The following PCDHA3 variants were observed in gnomAD, a reference collection of about 807,000 sequenced individuals.
PCDHA3 encodes protocadherin alpha 3.
In PCDHA3, 41 loss-of-function variants were observed where a neutral mutation model predicts 62.2. The ratio of observed to expected loss-of-function variants is 0.66; its 90% confidence interval spans 0.51 to 0.86. The LOEUF (loss-of-function observed/expected upper bound fraction) is 0.86, where lower values mean the gene tolerates loss of function less well. PCDHA3 is among the 40% of genes least tolerant of loss of function. The pLI, the probability that PCDHA3 is intolerant of heterozygous loss-of-function variation, is 0.00. For missense variants in PCDHA3, 1,304 were observed against 1,241.2 expected (o/e 1.05, Z -0.76); for synonymous variants, 640 against 555.4 (o/e 1.15, Z -2.14).
rs2150126846 is a variant in PCDHA3, at chr5:140,823,554, G to A, written c.2394+19963G>A. The stretch of plus-strand genomic sequence containing the variant: ...GTGCGGGCCACGTGGTGGCGAAGGT[G>A]CGCGCAGTGGACCCTGATTCGGGCT... On this transcript the variant is annotated intron_variant, in intron 1 of 3. Coordinates refer to ENST00000522353, the MANE Select transcript of PCDHA3 (RefSeq NM_018906.3). 17,400 of 1,613,832 alleles carry A rather than the reference G, an allele frequency of 0.011. 1,609 individuals are homozygous for A. The African/African-American group carries it at 0.2, about 19-fold the overall frequency.
At chr5:140,991,629 T>C (rs1466263798) in intron 3 of PCDHA3, among the ~76,000 whole-genome samples, 5 of 152,208 alleles carry the variant, frequency 3.3e-5, no homozygotes, top group African/African-American at 1.2e-4. Context: ...ATATTTGTAA[T>C]AACAATCTGT....
chr5:140,928,643 T>C (rs2085399261), intron 1 of PCDHA3: 7 of 1,614,222 alleles, frequency 4.3e-6, no homozygotes, highest in Non-Finnish European at 5.9e-6. Context: ...ACAAAAGTGG[T>C]AGCAGAGGAT....
rs145175505 is a variant in PCDHA3, at chr5:140,843,176, C to T, written c.2394+39585C>T. On this transcript the variant is annotated intron_variant, in intron 1 of 3. Coordinates refer to ENST00000522353, the MANE Select transcript of PCDHA3 (RefSeq NM_018906.3). ...GCTGCAGCCAGCTGCAAGCAGCCCT[C>T]GCATCCCGTTCCGCGTGGGGCTGTA... 1.2e-5 allele frequency: 19 copies of T among 1,595,968 alleles called. 3 individuals carry two copies. Among genetic ancestry groups the T allele is most frequent in the Non-Finnish European group, 1.5e-5 (18 of 1,165,618 alleles).
intron 1 of PCDHA3, chr5:140,850,814 C>T: frequency 6.3e-7 from 1 of 1,598,286 alleles, no homozygotes; most frequent in South Asian, 1.1e-5. Context: ...TGGCCTTCAG[C>T]CCGGGCCTTT....
rs782055202 is a variant in PCDHA3 at position 140,802,781 on chromosome 5, A to G, written c.1584A>G (p.Leu528=). The G allele has an allele frequency of 1.5e-5, 25 of 1,613,106 alleles. No homozygotes were observed. Among genetic ancestry groups the G allele is most frequent in the Non-Finnish European group, 1.9e-5 (22 of 1,179,894 alleles). ...TGCAGCCGCTGGACCACGAGGAGCTAGAGCTGCTGCAGTTCCAGGTGAGTG... is the reference window on the plus strand; with the variant it reads ...TGCAGCCGCTGGACCACGAGGAGCTGGAGCTGCTGCAGTTCCAGGTGAGTG... The part of the protein sequence containing the change: ...YALQPLDHEE[L]ELLQFQVSAR... Residue 528 remains leucine, a synonymous_variant, in exon 1 of 4, where the codon CTA becomes CTG. Coordinates refer to ENST00000522353, the MANE Select transcript of PCDHA3 (RefSeq NM_018906.3).
At chr5:140,922,391 G>T (rs1354789717) in intron 1 of PCDHA3, among the ~76,000 whole-genome samples, 1 of 152,182 alleles carries the variant, frequency 6.6e-6, no homozygotes, top group Non-Finnish European at 1.5e-5. Context: ...AAGACTCCTT[G>T]TTTTGGATTA....
chr5:140,817,348 A>AG (rs1387838352), intron 1 of PCDHA3: 1 of 152,294 alleles, frequency 6.6e-6, no homozygotes, highest in Non-Finnish European at 1.5e-5. Flanking sequence ...CTTGGAGCCC[A>AG]GGACCCTCTT....
chr5:140,883,970 C>A (rs1554180846), intron 1 of PCDHA3: 1 of 1,612,990 alleles, frequency 6.2e-7, no homozygotes, highest in South Asian at 1.1e-5. Context: ...GCTGCTGACG[C>A]CCGGGGCTGG....
At chr5:140,804,977 T>A in intron 1 of PCDHA3, 1 of 1,501,798 alleles carries the variant, frequency 6.7e-7, no homozygotes, top group South Asian at 1.3e-5. Context: ...AGTGTGTCCA[T>A]CTCAGGTCAG....
chr5:140,996,478 A>C (rs1241472780), intron 3 of PCDHA3, among the ~76,000 whole-genome samples: 1 of 152,214 alleles, frequency 6.6e-6, no homozygotes, highest in East Asian at 1.9e-4. Flanking sequence ...AGTAGTGCTC[A>C]GGCCTGGGCA....
intron 2 of PCDHA3, among the ~76,000 whole-genome samples, chr5:140,980,093 G>A (rs1223807762): frequency 2.0e-5 from 3 of 152,166 alleles, no homozygotes; most frequent in South Asian, 2.1e-4. Context: ...AGTTGGCTTG[G>A]TAAGATGTCA....
intron 1 of PCDHA3, chr5:140,968,752 C>T: frequency 6.2e-7 from 1 of 1,614,094 alleles, no homozygotes; most frequent in Non-Finnish European, 8.5e-7. Context: ...CCGTGGTGGT[C>T]CGAGATAATG....
intron 3 of PCDHA3, among the ~76,000 whole-genome samples, chr5:140,997,912 A>G (rs2097790316): frequency 6.6e-6 from 1 of 152,224 alleles, no homozygotes; most frequent in Admixed American, 6.5e-5. Flanking sequence ...GTAGAATTAC[A>G]GAATCATAGG....
intron 1 of PCDHA3, chr5:140,877,657 G>A: frequency 6.2e-7 from 1 of 1,613,570 alleles, no homozygotes; most frequent in Non-Finnish European, 8.5e-7. Flanking sequence ...GCCGCCCACC[G>A]TGAGCCGGTG....
chr5:141,000,705 G>A (rs912231910), intron 3 of PCDHA3, among the ~76,000 whole-genome samples: 6 of 151,458 alleles, frequency 4.0e-5, no homozygotes, highest in African/African-American at 1.2e-4. Context: ...TGGGATTACA[G>A]GCATGAGCCA....
chr5:140,842,755 T>A, intron 1 of PCDHA3: 1 of 1,594,888 alleles, frequency 6.3e-7, no homozygotes, highest in Non-Finnish European at 8.6e-7. Context: ...TCACGGTGTC[T>A]GCGCGAGACG....
chr5:140,933,715 G>C (rs1292658358), intron 1 of PCDHA3, among the ~76,000 whole-genome samples: 1 of 151,902 alleles, frequency 6.6e-6, no homozygotes, highest in Non-Finnish European at 1.5e-5. Flanking sequence ...ACTGAGATTG[G>C]TGATACAGCT....
chr5:140,872,165 C>CT (rs781807025), intron 1 of PCDHA3, among the ~76,000 whole-genome samples: 5,631 of 144,184 alleles, frequency 0.039, 139 homozygotes, highest in African/African-American at 0.065. Flanking sequence ...ATTTACTTTT[C>CT]TTTTTTTTTT....
chr5:141,009,717 A>C lies in PCDHA3; in HGVS notation c.2633A>C (p.Gln878Pro). Residue 878 changes from glutamine to proline, a missense_variant, in exon 4 of 4, where the codon CAA becomes CCA. Coordinates refer to ENST00000522353, the MANE Select transcript of PCDHA3 (RefSeq NM_018906.3). ...AAATACGGACCAGGCAACCCCAAAC[A>C]ATCCGGTCCCGGTGAGTTGCCCGAC... ...TFKYGPGNPK[Q>P]SGPGELPDKF... is the part of the protein sequence containing the mutation. 4 of 1,614,058 alleles carry C rather than the reference A, an allele frequency of 2.5e-6. No homozygotes were observed. The highest frequency in any genetic ancestry group is 3.4e-6 in the Non-Finnish European group (4 of 1,180,004).
Sources: allele counts gnomAD v4.1 joint callset (sites outside exome capture counted in the v4.1 genomes callset), GRCh38; gene constraint gnomAD v4.1.1; transcripts MANE v1.5; gene names NCBI Gene and HGNC (gene_info 2026-07-23, HGNC 2026-07-21).